Variants in NRXN1 observed in about 807,000 individuals in gnomAD.
NRXN1 encodes the protein neurexin 1.
In NRXN1, 39 loss-of-function variants were observed where a neutral mutation model predicts 150.9. The observed-to-expected ratio is 0.26, with a 90% CI of 0.20 to 0.34. The LOEUF (loss-of-function observed/expected upper bound fraction) is 0.34, where lower values mean the gene tolerates loss of function less well. Among genes scored for constraint, NRXN1 ranks in the 10% least tolerant of loss-of-function variants. NRXN1 has a pLI of 1.00. For synonymous variants in NRXN1, 924 were observed against 757.0 expected (o/e 1.22, Z -3.62); for missense variants, 1,815 against 1,949.9 (o/e 0.93, Z 1.30).
At chr2:50,456,657 C>G (rs180831791) in intron 17 of NRXN1, among the ~76,000 whole-genome samples, 2 of 151,952 alleles carry the variant, frequency 1.3e-5, no homozygotes, top group Non-Finnish European at 2.9e-5. Context: ...TTATTTTTAT[C>G]TTGACCTTTT....
chr2:49,926,432 G>A lies in NRXN1; in HGVS notation c.4217-4181C>T, dbSNP rs1299884214. The A allele has an allele frequency of 1.3e-5, 5 of 398,166 alleles. No individual in the cohort carries two copies. In the East Asian group the frequency reaches 1.8e-4, roughly 14 times the overall value. 24.7% of individuals were successfully genotyped at this position (398,166 alleles called of 1,614,324 possible). A position where few individuals can be genotyped will look rare whatever the true frequency, so the allele number is the denominator to read the frequency against. On this transcript the variant is annotated intron_variant, in intron 22 of 22. Transcript: ENST00000401669. The stretch of plus-strand genomic sequence containing the variant: ...AATCCTATGAATCTTCTTGTTTTTT[G>A]TTGTCTAATATGTATTGTGGTAACT...
intron 15 of NRXN1, among the ~76,000 whole-genome samples, chr2:50,487,656 A>G (rs774933667): frequency 2.0e-5 from 3 of 152,254 alleles, no homozygotes; most frequent in African/African-American, 2.4e-5. Context: ...GGAATTGTAC[A>G]GTACCCGGGA....
In NRXN1 at chr2:51,028,115, C is replaced by G; in HGVS notation, c.159G>C (p.Glu53Asp). ...TGCGAGTCTTGAGCTGGAAGCTCAT[C>G]TCGCTCTCGCAGCAGGCGTTCCACT... ...FPKWNACCES[E>D]MSFQLKTRSA... The change falls in exon 2 of 23, where the codon GAG (glutamate) becomes GAC (aspartate). Residue 53 changes from glutamate to aspartate, a missense_variant. Glu to Asp is a conservative substitution (Grantham distance 45, BLOSUM62 2). Coordinates refer to ENST00000401669, the MANE Select transcript of NRXN1 (RefSeq NM_001330078.2). 5.1e-6 allele frequency: 8 copies of G among 1,574,300 alleles called. No individual in the cohort carries two copies. The highest frequency in any genetic ancestry group is 6.9e-6 in the Non-Finnish European group (8 of 1,162,736).
chr2:50,140,025 T>C (rs1331084904), intron 18 of NRXN1, among the ~76,000 whole-genome samples: 2 of 152,152 alleles, frequency 1.3e-5, no homozygotes, highest in Non-Finnish European at 2.9e-5. Context: ...AATTAGTTAA[T>C]ACACAGAGCA....
At chr2:50,218,403 C>T (rs891503909) in intron 18 of NRXN1, among the ~76,000 whole-genome samples, 1 of 151,660 alleles carries the variant, frequency 6.6e-6, no homozygotes, top group Admixed American at 6.6e-5. Context: ...TCCTTTCTGA[C>T]AAATGGTGAT....
intron 21 of NRXN1, chr2:49,973,923 CAGATCTAAGCTGT>C: frequency 2.8e-6 from 2 of 706,874 alleles, no homozygotes; most frequent in Non-Finnish European, 5.3e-6. Flanking sequence ...CTGCATGCTG[CAGATCTAAGCTGT>C]GCTCAGCAGC....
At chr2:50,681,306 T>C (rs1690368775) in intron 5 of NRXN1, among the ~76,000 whole-genome samples, 1 of 152,226 alleles carries the variant, frequency 6.6e-6, no homozygotes, top group East Asian at 1.9e-4. Flanking sequence ...CTCAGAAGAC[T>C]AGACCAACTG....
At position 50,347,242 on chromosome 2, in the gene NRXN1, G is replaced by T; in HGVS notation, c.3365-110272C>A. On this transcript the variant is annotated intron_variant, in intron 17 of 22. Coordinates refer to ENST00000401669, the MANE Select transcript of NRXN1 (RefSeq NM_001330078.2). This position sits in a 1 kb window ranked among gnomAD's most constrained non-coding sequence, Gnocchi z 4.9. The stretch of plus-strand genomic sequence containing the variant: ...AGCGCGGAGCGGGTGGCTGCTCCCA[G>T]ATTTCCAGGGCTCCAGGTTCTCGAG... The T allele has an allele frequency of 7.5e-7, 1 of 1,326,532 alleles. No homozygotes were observed. The allele number at this position is 1,326,532 out of a possible 1,614,324, so 82.2% of individuals were successfully genotyped here.
intron 8 of NRXN1, among the ~76,000 whole-genome samples, chr2:50,604,441 C>T (rs886899368): frequency 1.3e-5 from 2 of 152,180 alleles, no homozygotes; most frequent in Non-Finnish European, 2.9e-5. Context: ...ATTACTTTAT[C>T]CATTTCAACA....
chr2:49,932,205 C>A (rs1260978721), intron 22 of NRXN1, among the ~76,000 whole-genome samples: 1 of 152,054 alleles, frequency 6.6e-6, no homozygotes, highest in Non-Finnish European at 1.5e-5. Context: ...TGCTTGAAGC[C>A]AAGAGTTCCA....
chr2:50,046,042 C>A (rs1049671459), intron 21 of NRXN1, among the ~76,000 whole-genome samples: 1 of 152,172 alleles, frequency 6.6e-6, no homozygotes, highest in Non-Finnish European at 1.5e-5. Flanking sequence ...TTGCAAGATT[C>A]AGTATCACAC....
chr2:50,058,251 TAAC>T lies in NRXN1; in HGVS notation c.3719-3210_3719-3208del, dbSNP rs78082193. Among the ~76,000 whole-genome samples the T allele has an allele frequency of 1.5e-3, 229 of 152,178 alleles. 9 individuals are homozygous for T. The East Asian group carries it at 0.029, about 20-fold the overall frequency. On this transcript the variant is annotated intron_variant, in intron 19 of 22. Transcript: ENST00000401669. ...TTCCCAATGATTAACAGAGGTCACC[TAAC>T]AACAACAATAAAACAATTTAGAAAA...
intron 10 of NRXN1, among the ~76,000 whole-genome samples, chr2:50,536,921 A>G (rs933065917): frequency 1.4e-4 from 22 of 152,302 alleles, no homozygotes; most frequent in African/African-American, 5.3e-4. Flanking sequence ...AAGAGAATGA[A>G]TATATCTGTA....
At chr2:50,192,274 T>C (rs2061491538) in intron 18 of NRXN1, among the ~76,000 whole-genome samples, 2 of 152,326 alleles carry the variant, frequency 1.3e-5, no homozygotes, top group East Asian at 1.9e-4. Flanking sequence ...TTGATTATTA[T>C]AGTATCATTT....
chr2:50,224,812 T>G (rs867654361), intron 18 of NRXN1, among the ~76,000 whole-genome samples: 11 of 151,632 alleles, frequency 7.3e-5, no homozygotes, highest in African/African-American at 2.7e-4. Context: ...TACAGGACAG[T>G]TTTTTGTTTG....
chr2:50,712,407 T>C (rs900445163), intron 5 of NRXN1, among the ~76,000 whole-genome samples: 2 of 152,178 alleles, frequency 1.3e-5, no homozygotes, highest in Admixed American at 1.3e-4. Flanking sequence ...AAATCATTCC[T>C]TTCACCAAGC....
chr2:50,242,424 C>T (rs1031995809), intron 17 of NRXN1, among the ~76,000 whole-genome samples: 1 of 151,800 alleles, frequency 6.6e-6, no homozygotes, highest in African/African-American at 2.4e-5. Context: ...CAAGTAAATA[C>T]ACTTTATTTT....
intron 8 of NRXN1, among the ~76,000 whole-genome samples, chr2:50,574,330 T>C (rs1354896186): frequency 6.6e-6 from 1 of 151,994 alleles, no homozygotes; most frequent in African/African-American, 2.4e-5. Flanking sequence ...GGCTGATATA[T>C]TGGCTTTTGT....
intron 5 of NRXN1, among the ~76,000 whole-genome samples, chr2:50,857,374 G>T (rs972037077): frequency 1.3e-5 from 2 of 152,048 alleles, no homozygotes; most frequent in Non-Finnish European, 2.9e-5. Flanking sequence ...TTGGTGAGTA[G>T]ATGTGTCTAG....
Sources: gnomAD v4.1 joint callset for allele counts (sites outside exome capture counted in the v4.1 genomes callset) on GRCh38, gnomAD v4.1.1 for gene constraint, Gnocchi (gnomAD v3.1) non-coding constraint, MANE v1.5 for transcripts, NCBI Gene and HGNC (gene_info 2026-07-23, HGNC 2026-07-21) for gene names.